RAD51B: variants seen among roughly 807,000 people sequenced by gnomAD.
RAD51B encodes RAD51 paralog B, also known as DNA repair protein RAD51 homolog 2.
A neutral mutation model predicts 42.2 loss-of-function variants in RAD51B; 38 were observed. The ratio of observed to expected loss-of-function variants is 0.90; its 90% CI spans 0.70 to 1.18. RAD51B has a LOEUF of 1.18. Ranked by LOEUF, RAD51B falls within the 50% of genes most tolerant of loss-of-function variation. The probability of loss-of-function intolerance (pLI) is 0.00; values close to 1 mark genes in which losing one functional copy is unlikely to be tolerated. For synonymous variants in RAD51B, 154 were observed against 145.2 expected (o/e 1.06, Z -0.43); for missense variants, 373 against 400.7 (o/e 0.93, Z 0.59).
intron 10 of RAD51B, among the ~76,000 whole-genome samples, chr14:68,608,340 A>C (rs1891536937): frequency 6.6e-6 from 1 of 152,202 alleles, no homozygotes; most frequent in African/African-American, 2.4e-5. Context: ...TAAGAGGGGA[A>C]GTGCTGAGGG....
intron 8 of RAD51B, among the ~76,000 whole-genome samples, chr14:68,393,479 C>T (rs1437793621): frequency 6.6e-6 from 1 of 152,148 alleles, no homozygotes; most frequent in Non-Finnish European, 1.5e-5. Context: ...GGGGTAATTT[C>T]GCTTAGGAGC....
intron 7 of RAD51B, among the ~76,000 whole-genome samples, chr14:67,983,394 A>G (rs1360332542): frequency 6.6e-6 from 1 of 152,124 alleles, no homozygotes; most frequent in Non-Finnish European, 1.5e-5. Flanking sequence ...AAGAAGGCCT[A>G]TGTAGTCCTA....
At chr14:68,417,047 A>T (rs2084578458) in intron 9 of RAD51B, among the ~76,000 whole-genome samples, 1 of 152,232 alleles carries the variant, frequency 6.6e-6, no homozygotes. Flanking sequence ...GCTTATATTC[A>T]TATTCACCCA....
At chr14:68,461,917 A>G (rs2085856584) in intron 9 of RAD51B, among the ~76,000 whole-genome samples, 1 of 152,204 alleles carries the variant, frequency 6.6e-6, no homozygotes, top group African/African-American at 2.4e-5. Flanking sequence ...TCTACTTGTC[A>G]TTGGAGAGAA....
At chr14:67,824,681 C>A (rs958135948) in intron 2 of RAD51B, among the ~76,000 whole-genome samples, 2 of 152,044 alleles carry the variant, frequency 1.3e-5, no homozygotes, top group South Asian at 4.2e-4. Flanking sequence ...TATTTATACT[C>A]GGAAACATTC....
At chr14:68,630,613 A>G (rs937161369) in intron 10 of RAD51B, among the ~76,000 whole-genome samples, 1 of 152,204 alleles carries the variant, frequency 6.6e-6, no homozygotes, top group Non-Finnish European at 1.5e-5. Flanking sequence ...ATCCTATAGC[A>G]GTGCCTGCCC....
intron 10 of RAD51B, among the ~76,000 whole-genome samples, chr14:68,514,600 C>G (rs190018324): frequency 1.3e-5 from 2 of 152,224 alleles, no homozygotes; most frequent in Non-Finnish European, 1.5e-5. Flanking sequence ...ATCTCAGCCT[C>G]GAATCAGTCT....
intron 7 of RAD51B, among the ~76,000 whole-genome samples, chr14:68,235,723 AAAAAAAAAAGAG>A (rs1312170489): frequency 6.7e-6 from 1 of 149,888 alleles, no homozygotes; most frequent in African/African-American, 2.4e-5. Context: ...AAAAAAAAAA[AAAAAAAAAAGAG>A]CTGAGATCTT....
At chr14:68,577,408 C>G (rs900091571) in intron 10 of RAD51B, among the ~76,000 whole-genome samples, 1 of 152,024 alleles carries the variant, frequency 6.6e-6, no homozygotes, top group Non-Finnish European at 1.5e-5. Flanking sequence ...AAGGAATAAC[C>G]AAGAACAACC....
intron 7 of RAD51B, among the ~76,000 whole-genome samples, chr14:68,274,660 A>G (rs895268296): frequency 3.3e-5 from 5 of 152,216 alleles, no homozygotes; most frequent in Admixed American, 6.5e-5. Context: ...GTCACAAATA[A>G]TGTCACAAAT....
At chr14:68,373,844 T>C (rs2083309352) in intron 8 of RAD51B, among the ~76,000 whole-genome samples, 1 of 152,236 alleles carries the variant, frequency 6.6e-6, no homozygotes, top group Non-Finnish European at 1.5e-5. Context: ...GCCAGAGATC[T>C]TTCCACTATA....
intron 7 of RAD51B, among the ~76,000 whole-genome samples, chr14:68,251,201 A>T (rs535006263): frequency 1.0e-3 from 106 of 106,016 alleles, no homozygotes; most frequent in African/African-American, 3.3e-3. Context: ...AGGAGGAATT[A>T]AAAAAAAAAA....
chr14:68,421,782 A>G, intron 9 of RAD51B: 1 of 1,598,676 alleles, frequency 6.3e-7, no homozygotes, highest in Non-Finnish European at 8.5e-7. Flanking sequence ...TGCCTCCACA[A>G]TATTCGTGCC....
intron 11 of RAD51B, chr14:68,683,090 G>C: frequency 3.0e-6 from 1 of 332,362 alleles, no homozygotes; most frequent in Non-Finnish European, 4.1e-6. Flanking sequence ...AATGGGGCCT[G>C]CCAAAACGTA....
chr14:68,079,302 T>C (rs1007266150), intron 7 of RAD51B, among the ~76,000 whole-genome samples: 2 of 152,228 alleles, frequency 1.3e-5, no homozygotes, highest in African/African-American at 4.8e-5. Context: ...CACTTTTCTT[T>C]TTTATTTCAT....
intron 10 of RAD51B, among the ~76,000 whole-genome samples, chr14:68,640,976 T>C (rs1232280240): frequency 6.6e-6 from 1 of 152,204 alleles, no homozygotes; most frequent in Non-Finnish European, 1.5e-5. Context: ...TGAAACGTTA[T>C]CCATTGTGTT....
At chr14:68,376,350 G>A (rs575611689) in intron 8 of RAD51B, among the ~76,000 whole-genome samples, 2 of 152,288 alleles carry the variant, frequency 1.3e-5, no homozygotes, top group South Asian at 2.1e-4. Flanking sequence ...GCAGTATTTA[G>A]TTGAGCACCT....
intron 8 of RAD51B, among the ~76,000 whole-genome samples, chr14:68,359,616 C>T (rs2082979792): frequency 2.0e-5 from 3 of 152,208 alleles, no homozygotes; most frequent in African/African-American, 7.2e-5. Context: ...ATGGCCGTTA[C>T]CTCTCTCAGA....
At chr14:68,226,328 G>A (rs111577816) in intron 7 of RAD51B, among the ~76,000 whole-genome samples, 3,761 of 152,250 alleles carry the variant, frequency 0.025, 171 homozygotes, top group African/African-American at 0.087. Flanking sequence ...ACCCTCTCCC[G>A]GGCCAGCCAC....
Sources: gnomAD v4.1 joint callset for allele counts (sites outside exome capture counted in the v4.1 genomes callset) on GRCh38, gnomAD v4.1.1 for gene constraint, MANE v1.5 for transcripts, NCBI Gene and HGNC (gene_info 2026-07-23, HGNC 2026-07-21) for gene names.